Variants in ARID1B observed in about 807,000 individuals in gnomAD.
The protein encoded by ARID1B is AT-rich interactive domain-containing protein 1B.
A neutral mutation model predicts 212.3 loss-of-function variants in ARID1B; 30 were observed. That is an observed-to-expected ratio of 0.14 (90% confidence interval 0.11 to 0.19). The LOEUF (loss-of-function observed/expected upper bound fraction) is 0.19, where lower values mean the gene tolerates loss of function less well. Among genes scored for constraint, ARID1B ranks in the 10% least tolerant of loss-of-function variants. The probability of loss-of-function intolerance (pLI) is 1.00; values close to 1 mark genes in which losing one functional copy is unlikely to be tolerated. For synonymous variants in ARID1B, 1,402 were observed against 1,301.7 expected (o/e 1.08, Z -1.66); for missense variants, 2,891 against 3,204.0 (o/e 0.90, Z 2.36).
intron 4 of ARID1B, among the ~76,000 whole-genome samples, chr6:156,998,762 T>C (rs1198764386): frequency 6.6e-6 from 1 of 152,174 alleles, no homozygotes; most frequent in East Asian, 1.9e-4. Flanking sequence ...TGTTTAACAA[T>C]AGTAGGGAGA....
At chr6:157,156,098 C>T (rs1790556619) in intron 8 of ARID1B, among the ~76,000 whole-genome samples, 1 of 152,126 alleles carries the variant, frequency 6.6e-6, no homozygotes, top group Non-Finnish European at 1.5e-5. Flanking sequence ...ATTAAAATGT[C>T]AAAGAGAAGG....
chr6:156,919,035 A>G (rs887963262), intron 3 of ARID1B, among the ~76,000 whole-genome samples: 1 of 152,238 alleles, frequency 6.6e-6, no homozygotes, highest in African/African-American at 2.4e-5. Context: ...AAAAGTAGAA[A>G]AAAAGACCCA....
At chr6:156,950,383 G>A (rs979821231) in intron 4 of ARID1B, among the ~76,000 whole-genome samples, 10 of 152,202 alleles carry the variant, frequency 6.6e-5, no homozygotes, top group African/African-American at 2.4e-4. Flanking sequence ...GGTGAATCAG[G>A]TAGTATCACT....
chr6:157,167,273 G>A (rs990999677), intron 9 of ARID1B, 88 bp downstream of exon 9: 29 of 1,464,668 alleles, frequency 2.0e-5, no homozygotes, highest in Non-Finnish European at 2.4e-5. Flanking sequence ...TAAACGGCCC[G>A]AGAAGGTGGA....
chr6:156,863,024 A>G (rs1284163007), intron 2 of ARID1B, among the ~76,000 whole-genome samples: 1 of 152,206 alleles, frequency 6.6e-6, no homozygotes, highest in Admixed American at 6.5e-5. Context: ...ATGATCCTGG[A>G]GACAGTGCCG....
chr6:157,180,905 C>T (rs1386039710), intron 11 of ARID1B, 64 bp from the exon 12 acceptor site: 3 of 1,407,408 alleles, frequency 2.1e-6, no homozygotes, highest in Admixed American at 4.1e-5. Flanking sequence ...ACTTTTTTCT[C>T]ACCTTCTTCC....
intron 4 of ARID1B, among the ~76,000 whole-genome samples, chr6:157,025,998 C>T (rs555433706): frequency 2.0e-4 from 31 of 151,958 alleles, no homozygotes; most frequent in African/African-American, 6.8e-4. Context: ...AATTTCGGCT[C>T]ACTGCAGCCT....
At chr6:157,102,834 T>A (rs1333650998) in intron 5 of ARID1B, among the ~76,000 whole-genome samples, 1 of 152,008 alleles carries the variant, frequency 6.6e-6, no homozygotes, top group Non-Finnish European at 1.5e-5. Flanking sequence ...CCTGACCTCG[T>A]GATCCACCCA....
chr6:157,068,094 A>G (rs530054277), intron 4 of ARID1B, among the ~76,000 whole-genome samples: 2 of 152,356 alleles, frequency 1.3e-5, no homozygotes, highest in East Asian at 3.9e-4. Flanking sequence ...TTCACAAAAC[A>G]TTCTGTCTTC....
At chr6:156,930,115 G>A (rs544832906) in intron 3 of ARID1B, among the ~76,000 whole-genome samples, 7 of 152,302 alleles carry the variant, frequency 4.6e-5, no homozygotes, top group South Asian at 2.1e-4. Flanking sequence ...ATCTGATACA[G>A]TTTGGATCTG....
intron 2 of ARID1B, among the ~76,000 whole-genome samples, chr6:156,890,122 C>G (rs533968497): frequency 6.6e-6 from 1 of 152,274 alleles, no homozygotes; most frequent in African/African-American, 2.4e-5. Context: ...TCCCTGACTT[C>G]TGGAAATTGA....
intron 4 of ARID1B, among the ~76,000 whole-genome samples, chr6:156,999,472 G>T (rs1443952526): frequency 6.6e-6 from 1 of 152,240 alleles, no homozygotes; most frequent in Non-Finnish European, 1.5e-5. Context: ...CACTATTATT[G>T]TTGCAGTCAG....
At chr6:156,957,552 A>T (rs1465309363) in intron 4 of ARID1B, among the ~76,000 whole-genome samples, 2 of 152,316 alleles carry the variant, frequency 1.3e-5, no homozygotes, top group Non-Finnish European at 1.5e-5. Context: ...TCTTTCTCAT[A>T]GCCCAGGTGG....
At chr6:156,960,252 C>A (rs1336428252) in intron 4 of ARID1B, among the ~76,000 whole-genome samples, 1 of 152,022 alleles carries the variant, frequency 6.6e-6, no homozygotes, top group Non-Finnish European at 1.5e-5. Flanking sequence ...TTAATTTAAA[C>A]CACGACCAAA....
intron 8 of ARID1B, among the ~76,000 whole-genome samples, chr6:157,155,753 C>T (rs1206419633): frequency 6.6e-6 from 1 of 152,110 alleles, no homozygotes; most frequent in African/African-American, 2.4e-5. Flanking sequence ...GTGGTAACCC[C>T]ACCGTATTGC....
intron 7 of ARID1B, among the ~76,000 whole-genome samples, chr6:157,137,335 G>A (rs562579579): frequency 2.0e-5 from 3 of 152,262 alleles, no homozygotes; most frequent in African/African-American, 7.2e-5. Flanking sequence ...ATAGCACTTT[G>A]CCACCTTCAA....
chr6:156,846,794 G>A (rs1291844030), intron 2 of ARID1B, among the ~76,000 whole-genome samples: 1 of 152,116 alleles, frequency 6.6e-6, no homozygotes, highest in Non-Finnish European at 1.5e-5. Context: ...ACTTCCTACA[G>A]GACAGGTGGG....
chr6:157,085,043 C>T (rs554546126), intron 5 of ARID1B, 138 bp downstream of exon 5: 1 of 1,100,100 alleles, frequency 9.1e-7, no homozygotes, highest in South Asian at 1.7e-5. Flanking sequence ...CTCACCAAGG[C>T]ATACGAGAGT....
intron 2 of ARID1B, among the ~76,000 whole-genome samples, chr6:156,846,145 T>A (rs1784213088): frequency 9.2e-6 from 1 of 108,578 alleles, no homozygotes. Context: ...GGTTGGAGGC[T>A]ATTTTTTTTG....
Sources: allele counts gnomAD v4.1 joint callset (sites outside exome capture counted in the v4.1 genomes callset), GRCh38; gene constraint gnomAD v4.1.1; transcripts MANE v1.5; gene names NCBI Gene and HGNC (gene_info 2026-07-23, HGNC 2026-07-21).